The following PLEKHA7 variants were observed in gnomAD, a reference collection of about 807,000 sequenced individuals.
The protein encoded by PLEKHA7 is pleckstrin homology domain-containing family A member 7.
A neutral mutation model predicts 170.0 loss-of-function variants in PLEKHA7; 104 were observed. The observed-to-expected ratio is 0.61, with a 90% CI of 0.52 to 0.72. PLEKHA7 has a LOEUF of 0.72. PLEKHA7 is among the 30% of genes least tolerant of loss of function. The pLI is 0.00. For missense variants in PLEKHA7, 1,615 were observed against 1,671.7 expected (o/e 0.97, Z 0.59); for synonymous variants, 648 against 660.8 (o/e 0.98, Z 0.30).
At chr11:16,837,856 G>A (rs1851638304) in intron 9 of PLEKHA7, among the ~76,000 whole-genome samples, 1 of 152,042 alleles carries the variant, frequency 6.6e-6, no homozygotes, top group South Asian at 2.1e-4. Context: ...AGTCCACGAT[G>A]GGGAGGAAGA....
At chr11:16,922,004 G>A (rs1259741115) in intron 3 of PLEKHA7, among the ~76,000 whole-genome samples, 3 of 152,210 alleles carry the variant, frequency 2.0e-5, no homozygotes, top group Non-Finnish European at 4.4e-5. Context: ...GACCTTTCCA[G>A]TTCAGCTATG....
intron 8 of PLEKHA7, among the ~76,000 whole-genome samples, chr11:16,844,688 C>T (rs1296346640): frequency 1.3e-5 from 2 of 152,268 alleles, no homozygotes; most frequent in Non-Finnish European, 2.9e-5. Context: ...AGACATGATG[C>T]CCCTAGGATA....
chr11:17,008,442 G>A (rs1292974031), intron 3 of PLEKHA7, among the ~76,000 whole-genome samples: 1 of 152,214 alleles, frequency 6.6e-6, no homozygotes, highest in Non-Finnish European at 1.5e-5. Context: ...GTTCTCAACA[G>A]CAAGCGACTG....
chr11:16,924,645 AC>A (rs1859361114), intron 3 of PLEKHA7, among the ~76,000 whole-genome samples: 1 of 152,014 alleles, frequency 6.6e-6, no homozygotes, highest in African/African-American at 2.4e-5. Context: ...CGAAAGGGGA[AC>A]CCTTCGGGGG....
intron 25 of PLEKHA7, 54 bp from the exon 26 acceptor site, chr11:16,782,950 C>T (rs1417857007): frequency 5.3e-6 from 8 of 1,517,560 alleles, no homozygotes; most frequent in Non-Finnish European, 7.1e-6. Context: ...GTAGCAGCCT[C>T]AGGAGTGGAG....
chr11:16,964,381 G>A (rs964322169), intron 3 of PLEKHA7, among the ~76,000 whole-genome samples: 13 of 152,078 alleles, frequency 8.5e-5, no homozygotes, highest in African/African-American at 3.1e-4. Context: ...GATTTTTGAG[G>A]AACCACCAAA....
Position 16,789,343 on chromosome 11 carries a change from G to GCGTGCCCA in PLEKHA7, c.3157-48_3157-47insTGGGCACG. ...AGAGAGACACAGAACAGCTGGGCTG[G>GCGTGCCCA]GCACGCAGAGGACAGCCACCCTGCT... On this transcript the variant is annotated intron_variant, in intron 22 of 26. Transcript: ENST00000531066. This position sits in a 1 kb window ranked among gnomAD's most constrained non-coding sequence, Gnocchi z 4.6. The GCGTGCCCA allele has an allele frequency of 6.4e-7, 1 of 1,571,378 alleles. No individual in the cohort carries two copies. The highest frequency in any genetic ancestry group is 8.7e-7 in the Non-Finnish European group (1 of 1,147,330).
intron 5 of PLEKHA7, among the ~76,000 whole-genome samples, chr11:16,855,460 G>T (rs1853359299): frequency 6.6e-6 from 1 of 152,054 alleles, no homozygotes; most frequent in Non-Finnish European, 1.5e-5. Context: ...CCTTCCCAAG[G>T]GCACCCTTTC....
intron 15 of PLEKHA7, among the ~76,000 whole-genome samples, chr11:16,802,382 T>C (rs1443609449): frequency 2.0e-5 from 3 of 152,134 alleles, no homozygotes; most frequent in Non-Finnish European, 4.4e-5. Context: ...GGAACCCTGC[T>C]TCCCTGGGGT....
At chr11:16,845,394 G>T (rs1852312431) in intron 8 of PLEKHA7, among the ~76,000 whole-genome samples, 1 of 152,198 alleles carries the variant, frequency 6.6e-6, no homozygotes. Context: ...TTGAGACAAG[G>T]TCTTGCTCTG....
In PLEKHA7 at chr11:17,007,399, C is replaced by T. The variant is rs145861501; in HGVS notation, c.221+6590G>A. 6.6e-3 allele frequency among the ~76,000 whole-genome samples: 1,009 copies of T among 151,896 alleles called. 17 individuals are homozygous for T. Among genetic ancestry groups the T allele is most frequent in the African/African-American group, 0.024 (974 of 41,406 alleles). On this transcript the variant is annotated intron_variant, in intron 3 of 26. Coordinates refer to ENST00000531066, the MANE Select transcript of PLEKHA7 (RefSeq NM_001329630.2). ...GTGCAATGGTGCAATCTTGGCTCAC[C>T]GCAACCTTCACCTCCTGGGTTCAAG...
chr11:16,790,060 C>G, intron 21 of PLEKHA7, 182 bp from the exon 22 acceptor site: 2 of 610,890 alleles, frequency 3.3e-6, no homozygotes, highest in South Asian at 3.9e-5. Context: ...GGGGCCAGCC[C>G]AGGGGTGACC....
chr11:16,794,349 T>G (rs1390676985), intron 19 of PLEKHA7, 139 bp downstream of exon 19: 1 of 793,432 alleles, frequency 1.3e-6, no homozygotes, highest in Non-Finnish European at 2.2e-6. Context: ...ACTTTTTAAC[T>G]GCTTGTGACT....
chr11:17,013,425 T>G, intron 3 of PLEKHA7: 1 of 152,864 alleles, frequency 6.5e-6, no homozygotes. Context: ...ACCAGTTCCC[T>G]TCCCCACCCC....
chr11:16,873,675 TTTTTC>T (rs2135705621), intron 3 of PLEKHA7, among the ~76,000 whole-genome samples: 2 of 152,280 alleles, frequency 1.3e-5, no homozygotes, highest in African/African-American at 4.8e-5. Context: ...AGCTTTTCCT[TTTTTC>T]TTTTGAGATG....
At chr11:16,976,880 T>C (rs1333191077) in intron 3 of PLEKHA7, among the ~76,000 whole-genome samples, 1 of 152,162 alleles carries the variant, frequency 6.6e-6, no homozygotes, top group Admixed American at 6.5e-5. Flanking sequence ...ACTCAATAAA[T>C]AATTGCTGAA....
intron 3 of PLEKHA7, among the ~76,000 whole-genome samples, chr11:16,949,403 G>A (rs1181050703): frequency 6.6e-6 from 1 of 152,184 alleles, no homozygotes; most frequent in African/African-American, 2.4e-5. Flanking sequence ...ATTTTAAAGT[G>A]AACAACATGG....
At chr11:16,892,172 C>A (rs945748558) in intron 3 of PLEKHA7, among the ~76,000 whole-genome samples, 7 of 152,170 alleles carry the variant, frequency 4.6e-5, no homozygotes, top group African/African-American at 1.7e-4. Context: ...ATGCTCCTCA[C>A]GAGCTCTGTG....
At chr11:16,894,382 C>T (rs1856867843) in intron 3 of PLEKHA7, among the ~76,000 whole-genome samples, 1 of 152,236 alleles carries the variant, frequency 6.6e-6, no homozygotes, top group Admixed American at 6.5e-5. Flanking sequence ...AGGCTCCTGA[C>T]CCACAGGATC....
Sources: gnomAD v4.1 joint callset for allele counts (sites outside exome capture counted in the v4.1 genomes callset) on GRCh38, gnomAD v4.1.1 for gene constraint, Gnocchi (gnomAD v3.1) non-coding constraint, MANE v1.5 for transcripts, NCBI Gene and HGNC (gene_info 2026-07-23, HGNC 2026-07-21) for gene names.